The following CSRNP3 variants were observed in gnomAD, a reference collection of about 807,000 sequenced individuals.
The protein encoded by CSRNP3 is cysteine and serine rich nuclear protein 3.
Under a neutral mutation model 48.0 loss-of-function variants are expected in CSRNP3, and 12 were observed. The observed-to-expected ratio is 0.25, with a 90% CI of 0.16 to 0.41. The LOEUF (loss-of-function observed/expected upper bound fraction) is 0.41. CSRNP3 is among the 10% of genes least tolerant of loss of function. CSRNP3 has a pLI of 1.00. For missense variants in CSRNP3, 580 were observed against 724.4 expected, an observed-to-expected ratio of 0.80 and a Z score of 2.29; for synonymous variants, 263 against 269.7, an observed-to-expected ratio of 0.98 and a Z score of 0.24.
chr2:165,522,643 G>A (rs559683772), intron 3 of CSRNP3, among the ~76,000 whole-genome samples: 21 of 151,882 alleles, frequency 1.4e-4, no homozygotes, highest in Non-Finnish European at 2.2e-4. Flanking sequence ...TGTAATCAGC[G>A]GGGTGAAGTT....
intron 4 of CSRNP3, among the ~76,000 whole-genome samples, chr2:165,642,927 C>T (rs953309043): frequency 2.0e-5 from 3 of 151,768 alleles, no homozygotes; most frequent in Non-Finnish European, 4.4e-5. Flanking sequence ...TTAGAAACTC[C>T]GATAAAGATT....
At chr2:165,542,773 A>T (rs1410106762) in intron 3 of CSRNP3, among the ~76,000 whole-genome samples, 2 of 152,314 alleles carry the variant, frequency 1.3e-5, no homozygotes, top group African/African-American at 4.8e-5. Context: ...ATGGAAATTC[A>T]TCTTGTATAT....
intron 3 of CSRNP3, among the ~76,000 whole-genome samples, chr2:165,563,931 T>TC (rs2105268981): frequency 6.6e-6 from 1 of 151,878 alleles, no homozygotes; most frequent in Admixed American, 6.6e-5. Flanking sequence ...TCTCCCCCGC[T>TC]CCCCCCAGAC....
At chr2:165,627,610 C>A (rs1686459432) in intron 4 of CSRNP3, among the ~76,000 whole-genome samples, 2 of 152,144 alleles carry the variant, frequency 1.3e-5, no homozygotes, top group South Asian at 4.1e-4. Flanking sequence ...TTGCATGAGT[C>A]ATATGCAAAC....
Position 165,679,537 on chromosome 2 carries a change from C to T in CSRNP3, c.1542C>T (p.Pro514=). 6.2e-7 allele frequency: 1 copy of T among 1,613,836 alleles called. No homozygotes were observed. The highest frequency in any genetic ancestry group is 8.5e-7 in the Non-Finnish European group (1 of 1,179,962). The part of the protein sequence containing the change: ...CSSSENDSGV[P]CNSLYPEHRS... ...CTTCCGAAAATGATAGCGGTGTGCC[C>T]TGCAATAGTTTATATCCTGAACACA... is the stretch of plus-strand genomic sequence containing the variant. Residue 514 remains proline (P), a synonymous_variant, in exon 7 of 7, where the codon CCC becomes CCT. Coordinates refer to ENST00000651982, the MANE Select transcript of CSRNP3 (RefSeq NM_001172173.2).
rs533794816 is a variant in CSRNP3 at position 165,521,546 on chromosome 2, C to T, written c.-24+3585C>T. 2.6e-5 allele frequency among the ~76,000 whole-genome samples: 4 copies of T among 152,274 alleles called. No individual in the cohort carries two copies. The South Asian group carries it at 8.3e-4, about 32-fold the overall frequency. On this transcript the variant is annotated intron_variant, in intron 3 of 6. Transcript: ENST00000651982. ...CTTCCATTCTCTCACAAACCAACAC[C>T]CACATGAATTTCACATTACCTGGTA... is the stretch of plus-strand genomic sequence containing the variant.
At chr2:165,606,134 C>CA (rs919780561) in intron 4 of CSRNP3, among the ~76,000 whole-genome samples, 3 of 148,628 alleles carry the variant, frequency 2.0e-5, no homozygotes, top group Admixed American at 6.7e-5. Flanking sequence ...ATAAAATATA[C>CA]AAAAAAATAG....
At chr2:165,574,011 T>G (rs1470645722) in intron 3 of CSRNP3, 1 of 212,746 alleles carries the variant, frequency 4.7e-6, no homozygotes, top group Admixed American at 5.7e-5. Context: ...AGAATAGGAC[T>G]CTAAAACAAA....
Position 165,689,238 on chromosome 2 carries a change from G to A in CSRNP3, c.*9485G>A, listed in dbSNP as rs1687678571. 1 of 152,000 alleles carries A rather than the reference G, an allele frequency of 6.6e-6. No individual in the cohort carries two copies. The highest frequency in any genetic ancestry group is 1.5e-5 in the Non-Finnish European group (1 of 67,998). The allele number at this position is 152,000 out of a possible 1,614,324, so 9.4% of individuals were successfully genotyped here. The stretch of plus-strand genomic sequence containing the variant: ...TGACATGGAAATTCGTGTATTTATT[G>A]TGGCTTTTTATTGCAGTGTGTATAT... On this transcript the variant is annotated 3_prime_UTR_variant, in exon 7 of 7. Transcript: ENST00000651982.
At chr2:165,491,856 C>T (rs1479344107) in intron 1 of CSRNP3, among the ~76,000 whole-genome samples, 9 of 131,074 alleles carry the variant, frequency 6.9e-5, no homozygotes, top group South Asian at 2.6e-4. Context: ...TGCTAGATGA[C>T]GAGTTAGTGG....
chr2:165,484,639 G>A (rs747433171), intron 1 of CSRNP3, among the ~76,000 whole-genome samples: 3 of 152,124 alleles, frequency 2.0e-5, no homozygotes, highest in Non-Finnish European at 2.9e-5. Flanking sequence ...TGACTATGTG[G>A]ATGGGACAAA....
rs905860861 is a variant in CSRNP3 at position 165,689,207 on chromosome 2, T to C, written c.*9454T>C. The C allele has an allele frequency of 6.6e-6, 1 of 152,202 alleles. No homozygotes were observed. The highest frequency in any genetic ancestry group is 1.9e-4 in the East Asian group (1 of 5,202). The allele number at this position is 152,202 out of a possible 1,614,324, so 9.4% of individuals were successfully genotyped here. On this transcript the variant is annotated 3_prime_UTR_variant, in exon 7 of 7. Transcript: ENST00000651982. Reference sequence around the variant, plus strand: ...CTGTATTTATATTTTCAGTATTTATTATGAATGACATGGAAATTCGTGTAT... The same window carrying C: ...CTGTATTTATATTTTCAGTATTTATCATGAATGACATGGAAATTCGTGTAT...
rs1684602584 is a variant in CSRNP3 at position 165,517,962 on chromosome 2, G to A, written c.-24+1G>A. Reference sequence around the variant, plus strand: ...ATACTGGAGTTCCTGAGATCTCAAGGTTAGCAGTTTATACATTATTATTCT... The same window carrying A: ...ATACTGGAGTTCCTGAGATCTCAAGATTAGCAGTTTATACATTATTATTCT... On this transcript the variant is annotated splice_donor_variant, in intron 3 of 6. Coordinates refer to ENST00000651982, the MANE Select transcript of CSRNP3 (RefSeq NM_001172173.2). LOFTEE classifies it low-confidence loss of function (5UTR_SPLICE). The A allele has an allele frequency of 6.6e-6, 1 of 152,262 alleles. No homozygotes were observed. Among genetic ancestry groups the A allele is most frequent in the Non-Finnish European group, 1.5e-5 (1 of 67,802 alleles). The allele number at this position is 152,262 out of a possible 1,614,324, so 9.4% of individuals were successfully genotyped here.
chr2:165,678,938 G>A lies in CSRNP3; in HGVS notation c.943G>A (p.Asp315Asn). 2.5e-6 allele frequency: 4 copies of A among 1,614,006 alleles called. No individual in the cohort carries two copies. Among genetic ancestry groups the A allele is most frequent in the Non-Finnish European group, 2.5e-6 (3 of 1,179,984 alleles). Reference sequence around the variant, plus strand: ...TCACTCCGTAGAATATTCAATCGCAGACAGTTTTGAGATTGAAACTGAGCC... The same window carrying A: ...TCACTCCGTAGAATATTCAATCGCAAACAGTTTTGAGATTGAAACTGAGCC... ...VAHSVEYSIADSFEIETEPQA... is the reference protein window; with the variant it reads ...VAHSVEYSIANSFEIETEPQA... The change falls in exon 7 of 7, where the codon GAC (aspartate) becomes AAC (asparagine). Residue 315 changes from aspartate to asparagine, a missense_variant. Physicochemically the swap from Asp to Asn is conservative, Grantham distance 23. This residue lies in a region of CSRNP3 where 369 missense variants were observed against 380.8 expected (regional missense o/e 0.97). Transcript: ENST00000651982.
At position 165,595,061 on chromosome 2, in the gene CSRNP3, C is replaced by A; in HGVS notation, c.-5C>A. On this transcript the variant is annotated 5_prime_UTR_variant, in exon 4 of 7. Transcript: ENST00000651982. ...GTTACAGGTACATGTGACAGCACTGCAGCGATGAGTGGAATTTTAAAGAGG... is the reference window on the plus strand; with the variant it reads ...GTTACAGGTACATGTGACAGCACTGAAGCGATGAGTGGAATTTTAAAGAGG... The A allele has an allele frequency of 6.2e-7, 1 of 1,613,958 alleles. No homozygotes were observed. The highest frequency in any genetic ancestry group is 1.3e-5 in the African/African-American group (1 of 74,990).
At chr2:165,624,825 T>C (rs1686401949) in intron 4 of CSRNP3, among the ~76,000 whole-genome samples, 1 of 152,080 alleles carries the variant, frequency 6.6e-6, no homozygotes, top group Non-Finnish European at 1.5e-5. Flanking sequence ...TGCCACACAT[T>C]GTATTGTTCA....
At chr2:165,588,953 G>A (rs1685673465) in intron 3 of CSRNP3, among the ~76,000 whole-genome samples, 1 of 152,028 alleles carries the variant, frequency 6.6e-6, no homozygotes, top group South Asian at 2.1e-4. Flanking sequence ...CAGAAACCCT[G>A]TCTCAAAACT....
chr2:165,477,456 T>A (rs1374527737), intron 1 of CSRNP3, among the ~76,000 whole-genome samples: 3 of 128,194 alleles, frequency 2.3e-5, no homozygotes, highest in Non-Finnish European at 3.2e-5. Context: ...TCGTCCCTAC[T>A]AAAAATACAA....
intron 4 of CSRNP3, among the ~76,000 whole-genome samples, chr2:165,605,449 T>C (rs1685993541): frequency 6.6e-6 from 1 of 151,962 alleles, no homozygotes; most frequent in Admixed American, 6.6e-5. Context: ...CTTAGAGAAA[T>C]ACATGAAAGT....
Sources: allele counts gnomAD v4.1 joint callset (sites outside exome capture counted in the v4.1 genomes callset), GRCh38; gene constraint gnomAD v4.1.1; regional missense constraint gnomAD v4.1.1; transcripts MANE v1.5; gene names NCBI Gene and HGNC (gene_info 2026-07-23, HGNC 2026-07-21).